The following DOK5 variants were observed in gnomAD, a reference collection of about 807,000 sequenced individuals.
The protein encoded by DOK5 is downstream of tyrosine kinase 5.
In DOK5, 27 loss-of-function variants were observed where a neutral mutation model predicts 43.3. The ratio of observed to expected loss-of-function variants is 0.62; its 90% CI spans 0.46 to 0.86. The LOEUF (loss-of-function observed/expected upper bound fraction) is 0.86. Among genes scored for constraint, DOK5 ranks in the 40% least tolerant of loss-of-function variants. DOK5 has a pLI of 0.00. For missense variants in DOK5, 373 were observed against 392.9 expected (o/e 0.95, Z 0.43); for synonymous variants, 146 against 140.1 (o/e 1.04, Z -0.30).
intron 1 of DOK5, among the ~76,000 whole-genome samples, chr20:54,482,958 A>T (rs1488913225): frequency 2.0e-5 from 3 of 152,186 alleles, no homozygotes; most frequent in Non-Finnish European, 2.9e-5. Context: ...GGCCAGATAG[A>T]CTGCATATAT....
intron 7 of DOK5, among the ~76,000 whole-genome samples, chr20:54,647,523 A>C (rs1325571291): frequency 2.7e-5 from 4 of 147,140 alleles, no homozygotes; most frequent in Admixed American, 1.4e-4. Context: ...AAAAAAAAAA[A>C]CAAAAAAACT....
intron 6 of DOK5, among the ~76,000 whole-genome samples, chr20:54,618,346 T>TC (rs1491366676): frequency 1.6e-5 from 2 of 128,032 alleles, no homozygotes; most frequent in African/African-American, 7.4e-5. Context: ...CCCTTTTTTT[T>TC]CCCTTTTTTT....
intron 1 of DOK5, among the ~76,000 whole-genome samples, chr20:54,487,154 T>C (rs1040815667): frequency 1.3e-5 from 2 of 152,156 alleles, no homozygotes; most frequent in Non-Finnish European, 2.9e-5. Flanking sequence ...TTTGTCCAAA[T>C]GTGAGATTTA....
chr20:54,576,388 T>C (rs756116782), intron 2 of DOK5, among the ~76,000 whole-genome samples: 14 of 152,166 alleles, frequency 9.2e-5, no homozygotes, highest in Non-Finnish European at 2.9e-5. Flanking sequence ...ACAGACATGA[T>C]ATTGGACGAA....
At chr20:54,589,522 A>G (rs1183116740) in intron 4 of DOK5, among the ~76,000 whole-genome samples, 1 of 152,206 alleles carries the variant, frequency 6.6e-6, no homozygotes, top group Non-Finnish European at 1.5e-5. Context: ...ATCAGTGTTG[A>G]TTTACAGAAC....
intron 6 of DOK5, among the ~76,000 whole-genome samples, chr20:54,637,254 C>T (rs1310859980): frequency 6.6e-6 from 1 of 152,164 alleles, no homozygotes; most frequent in African/African-American, 2.4e-5. Context: ...CGATTGATTG[C>T]TTTAAGTATT....
At chr20:54,637,933 T>A (rs540593530) in intron 6 of DOK5, among the ~76,000 whole-genome samples, 2 of 152,082 alleles carry the variant, frequency 1.3e-5, no homozygotes, top group Non-Finnish European at 2.9e-5. Flanking sequence ...CCATCGTGGC[T>A]AACACGGTGA....
In DOK5 at chr20:54,588,580, C is replaced by CT. The variant is rs1293005806; in HGVS notation, c.276dup (p.Ala93CysfsTer7). ...TATTTCAATGACGATACCTCCAAGA[C>CT]TTTTGCTTGCGAATCAGGTTTGTCT... On this transcript the variant is annotated frameshift_variant, in exon 3 of 8. Coordinates refer to ENST00000262593, the MANE Select transcript of DOK5 (RefSeq NM_018431.5). LOFTEE classifies it high-confidence loss of function. 1.9e-6 allele frequency: 3 copies of CT among 1,614,034 alleles called. No homozygotes were observed. Among genetic ancestry groups the CT allele is most frequent in the Non-Finnish European group, 2.5e-6 (3 of 1,180,008 alleles).
intron 1 of DOK5, among the ~76,000 whole-genome samples, chr20:54,554,455 T>A (rs757945202): frequency 2.0e-5 from 3 of 152,188 alleles, no homozygotes; most frequent in Non-Finnish European, 4.4e-5. Context: ...AATTATTAGC[T>A]AGTTAGTTTA....
chr20:54,495,477 A>AT lies in DOK5; in HGVS notation c.66+19471dup, dbSNP rs1173602813. The stretch of plus-strand genomic sequence containing the variant: ...ACTGAGGGGAGAAAATTTTATTTTA[A>AT]TTTTTTCTCATAACTGTCAATTTCA... On this transcript the variant is annotated intron_variant, in intron 1 of 7. Coordinates refer to ENST00000262593, the MANE Select transcript of DOK5 (RefSeq NM_018431.5). 8.5e-5 allele frequency among the ~76,000 whole-genome samples: 13 copies of AT among 152,278 alleles called. No individual in the cohort carries two copies. The East Asian group carries it at 2.3e-3, about 27-fold the overall frequency.
At chr20:54,622,163 A>G (rs754461164) in intron 6 of DOK5, among the ~76,000 whole-genome samples, 4 of 152,100 alleles carry the variant, frequency 2.6e-5, no homozygotes, top group Non-Finnish European at 5.9e-5. Context: ...CATGAACTCC[A>G]GCCTGGCAAC....
chr20:54,644,429 G>A (rs1486683282), intron 7 of DOK5, among the ~76,000 whole-genome samples: 1 of 152,108 alleles, frequency 6.6e-6, no homozygotes, highest in African/African-American at 2.4e-5. Flanking sequence ...ACAAGGCCGG[G>A]CGCAGTGGCT....
At chr20:54,640,518 T>C (rs1408555338) in intron 6 of DOK5, among the ~76,000 whole-genome samples, 1 of 152,240 alleles carries the variant, frequency 6.6e-6, no homozygotes, top group East Asian at 1.9e-4. Context: ...TTATAAGGCT[T>C]TTCTTTTTGT....
intron 1 of DOK5, among the ~76,000 whole-genome samples, chr20:54,533,683 G>GT (rs1228304368): frequency 6.6e-6 from 1 of 152,110 alleles, no homozygotes; most frequent in East Asian, 1.9e-4. Context: ...CAGAATGACA[G>GT]TATTTTTTTT....
At chr20:54,501,660 T>G (rs1281639343) in intron 1 of DOK5, among the ~76,000 whole-genome samples, 1 of 152,074 alleles carries the variant, frequency 6.6e-6, no homozygotes, top group East Asian at 1.9e-4. Flanking sequence ...ATTTCGACCC[T>G]TAGCATGAAG....
At chr20:54,548,099 A>G (rs1984405873) in intron 1 of DOK5, among the ~76,000 whole-genome samples, 1 of 152,090 alleles carries the variant, frequency 6.6e-6, no homozygotes, top group Non-Finnish European at 1.5e-5. Flanking sequence ...ACTAGAAAGA[A>G]TTTTCTGGCC....
intron 5 of DOK5, among the ~76,000 whole-genome samples, chr20:54,603,909 G>T (rs1283811294): frequency 1.3e-5 from 2 of 151,710 alleles, no homozygotes; most frequent in African/African-American, 4.8e-5. Flanking sequence ...GGGGGAGGGG[G>T]AGGGGATTGT....
chr20:54,501,699 A>T (rs1391171630), intron 1 of DOK5, among the ~76,000 whole-genome samples: 1 of 152,128 alleles, frequency 6.6e-6, no homozygotes, highest in Non-Finnish European at 1.5e-5. Context: ...GACTTCCATA[A>T]TTTAGAGTCT....
chr20:54,478,528 T>G (rs1268595529), intron 1 of DOK5, among the ~76,000 whole-genome samples: 14 of 152,214 alleles, frequency 9.2e-5, no homozygotes. Context: ...TTTATAACCT[T>G]TAGGAACTAA....
Sources: allele counts gnomAD v4.1 joint callset (sites outside exome capture counted in the v4.1 genomes callset), GRCh38; gene constraint gnomAD v4.1.1; transcripts MANE v1.5; gene names NCBI Gene and HGNC (gene_info 2026-07-23, HGNC 2026-07-21).